Variants in BAIAP2 observed in about 807,000 individuals in gnomAD.
BAIAP2 encodes BAR/IMD domain containing adaptor protein 2.
A neutral mutation model predicts 63.0 loss-of-function variants in BAIAP2; 18 were observed. The ratio of observed to expected loss-of-function variants is 0.29; its 90% CI spans 0.20 to 0.42. The LOEUF is 0.42. BAIAP2 is among the 10% of genes least tolerant of loss of function. The probability of loss-of-function intolerance (pLI) is 1.00; values close to 1 mark genes in which losing one functional copy is unlikely to be tolerated. For missense variants in BAIAP2, 610 were observed against 734.3 expected, an observed-to-expected ratio of 0.83 and a Z score of 1.96; for synonymous variants, 386 against 307.6, an observed-to-expected ratio of 1.25 and a Z score of -2.67.
chr17:81,117,032 C>CCTGTA lies in BAIAP2; in HGVS notation c.*1194_*1198dup, dbSNP rs2060567947. The stretch of plus-strand genomic sequence containing the variant: ...CAGGGAGGAGGCTGTCCTGGAGAGG[C>CCTGTA]CTGTAGGTCCATTCTTCACCCGTCC... On this transcript the variant is annotated 3_prime_UTR_variant, in exon 14 of 14. Coordinates refer to ENST00000428708, the MANE Select transcript of BAIAP2 (RefSeq NM_001144888.2). The CCTGTA allele has an allele frequency of 1.3e-5, 2 of 152,340 alleles. No individual in the cohort carries two copies. Among genetic ancestry groups the CCTGTA allele is most frequent in the Non-Finnish European group, 2.9e-5 (2 of 68,132 alleles). 9.4% of individuals were successfully genotyped at this position (152,340 alleles called of 1,614,324 possible).
rs372882052 is a variant in BAIAP2 at position 81,101,385 on chromosome 17, C to T, written c.642+1305C>T. Among the ~76,000 whole-genome samples the T allele has an allele frequency of 1.5e-4, 23 of 152,316 alleles. No individual in the cohort carries two copies. In the East Asian group the frequency reaches 4.1e-3, roughly 27 times the overall value. On this transcript the variant is annotated intron_variant, in intron 7 of 13. Coordinates refer to ENST00000428708, the MANE Select transcript of BAIAP2 (RefSeq NM_001144888.2). ...CAAGGCCCAGAGGCCAGACTCCCCA[C>T]CGGGAACAGGCAGGGCCAGCAGGCC...
intron 3 of BAIAP2, among the ~76,000 whole-genome samples, chr17:81,058,180 C>G (rs1489432069): frequency 1.3e-5 from 2 of 152,184 alleles, no homozygotes; most frequent in East Asian, 1.9e-4. Flanking sequence ...GGCGTGCAGC[C>G]TGGGGTGAGG....
At chr17:81,095,332 A>G (rs780853944) in intron 6 of BAIAP2, among the ~76,000 whole-genome samples, 1 of 152,122 alleles carries the variant, frequency 6.6e-6, no homozygotes, top group Non-Finnish European at 1.5e-5. Context: ...CGTGCCCCGT[A>G]TAGGTCATCC....
intron 1 of BAIAP2, 123 bp from the exon 2 acceptor site, chr17:81,053,545 C>T: frequency 7.1e-6 from 7 of 981,454 alleles, no homozygotes; most frequent in South Asian, 2.8e-5. Context: ...CCACCTTGAG[C>T]ATTTGTGGTG....
In BAIAP2 at chr17:81,057,983, C is replaced by CCA; in HGVS notation, c.217+17_217+18insAC. On this transcript the variant is annotated intron_variant, in intron 3 of 13. Coordinates refer to ENST00000428708, the MANE Select transcript of BAIAP2 (RefSeq NM_001144888.2). ...AAAGAACTCGGTGAGACCCCCCCCC[C>CCA]CCCCCCGCCTGGTAGTCGCCTGATG... 1.6e-6 allele frequency: 2 copies of CCA among 1,212,408 alleles called. No homozygotes were observed. The highest frequency in any genetic ancestry group is 2.2e-6 in the Non-Finnish European group (2 of 922,472). 75.1% of individuals were successfully genotyped at this position (1,212,408 alleles called of 1,614,324 possible). A position where few individuals can be genotyped will look rare whatever the true frequency, so the allele number is the denominator to read the frequency against.
intron 1 of BAIAP2, among the ~76,000 whole-genome samples, chr17:81,049,478 C>T (rs2048332337): frequency 6.6e-6 from 1 of 152,172 alleles, no homozygotes; most frequent in African/African-American, 2.4e-5. Flanking sequence ...TTTTGCACCT[C>T]TTGGTGTTGA....
chr17:81,076,951 CAG>C (rs1042621929), intron 3 of BAIAP2, among the ~76,000 whole-genome samples: 8 of 152,134 alleles, frequency 5.3e-5, no homozygotes, highest in Non-Finnish European at 1.0e-4. Context: ...AGCCTGGTGA[CAG>C]AGTGAGACCC....
rs2060506415 is a variant in BAIAP2, at chr17:81,115,963, C to A, written c.*124C>A. 2 of 1,517,232 alleles carry A rather than the reference C, an allele frequency of 1.3e-6. No homozygotes were observed. Among genetic ancestry groups the A allele is most frequent in the Admixed American group, 4.0e-5 (2 of 49,972 alleles). The allele number at this position is 1,517,232 out of a possible 1,614,324, so 94.0% of individuals were successfully genotyped here. Reference sequence around the variant, plus strand: ...AGGCCCCGGCTGCCTGGTCTTGCCCCACTTGAGTCTGGCCTGGACTGGATC... The same window carrying A: ...AGGCCCCGGCTGCCTGGTCTTGCCCAACTTGAGTCTGGCCTGGACTGGATC... On this transcript the variant is annotated 3_prime_UTR_variant, in exon 14 of 14. Transcript: ENST00000428708.
At chr17:81,050,781 A>G (rs984615138) in intron 1 of BAIAP2, among the ~76,000 whole-genome samples, 21 of 151,872 alleles carry the variant, frequency 1.4e-4, no homozygotes, top group African/African-American at 4.8e-4. Flanking sequence ...GTATGCACAC[A>G]TGGGCACAGA....
Position 81,115,923 on chromosome 17 carries a change from G to A in BAIAP2, c.*84G>A, listed in dbSNP as rs1436332096. 4 of 1,581,382 alleles carry A rather than the reference G, an allele frequency of 2.5e-6. No individual in the cohort carries two copies. The highest frequency in any genetic ancestry group is 3.4e-6 in the Non-Finnish European group (4 of 1,163,348). Reference sequence around the variant, plus strand: ...GTTCTGTCATCATCTGTGCGTTCCTGTGTAGAGAACATCCAGGCCCCGGCT... The same window carrying A: ...GTTCTGTCATCATCTGTGCGTTCCTATGTAGAGAACATCCAGGCCCCGGCT... On this transcript the variant is annotated 3_prime_UTR_variant, in exon 14 of 14. Transcript: ENST00000428708.
intron 6 of BAIAP2, among the ~76,000 whole-genome samples, chr17:81,099,185 C>T (rs1011073799): frequency 6.6e-6 from 1 of 152,240 alleles, no homozygotes; most frequent in African/African-American, 2.4e-5. Context: ...TCTGGGCTCC[C>T]AGTCTCCGCT....
chr17:81,075,952 T>G (rs1006250347), intron 3 of BAIAP2, among the ~76,000 whole-genome samples: 1 of 151,518 alleles, frequency 6.6e-6, no homozygotes, highest in African/African-American at 2.4e-5. Flanking sequence ...TTTTTTTTTT[T>G]GTAGTGGTGA....
intron 6 of BAIAP2, chr17:81,098,321 A>G: frequency 4.9e-6 from 3 of 607,312 alleles, no homozygotes; most frequent in Non-Finnish European, 7.2e-6. Context: ...CTCTCCCCCA[A>G]ACTCCCCCTC....
intron 3 of BAIAP2, among the ~76,000 whole-genome samples, chr17:81,081,217 A>C (rs2054546934): frequency 6.6e-6 from 1 of 152,186 alleles, no homozygotes; most frequent in Non-Finnish European, 1.5e-5. Context: ...CTGAGCCCAG[A>C]GGTCGTGGTG....
intron 1 of BAIAP2, among the ~76,000 whole-genome samples, chr17:81,047,515 C>T (rs765776043): frequency 3.2e-4 from 48 of 152,250 alleles, no homozygotes; most frequent in Non-Finnish European, 5.7e-4. Flanking sequence ...GTCCAGCACA[C>T]GCATGAGTGC....
chr17:81,080,883 C>T (rs561570537), intron 3 of BAIAP2, among the ~76,000 whole-genome samples: 10 of 152,274 alleles, frequency 6.6e-5, no homozygotes, highest in East Asian at 5.8e-4. Flanking sequence ...TGGCAAGAGC[C>T]GTGAAGAGTT....
chr17:81,099,717 T>G (rs1328902192), intron 6 of BAIAP2, among the ~76,000 whole-genome samples: 1 of 151,994 alleles, frequency 6.6e-6, no homozygotes, highest in African/African-American at 2.4e-5. Flanking sequence ...TCTGGGGATG[T>G]GGCCATCGGG....
At chr17:81,093,692 C>T (rs1232109362) in intron 6 of BAIAP2, among the ~76,000 whole-genome samples, 1 of 152,150 alleles carries the variant, frequency 6.6e-6, no homozygotes, top group Non-Finnish European at 1.5e-5. Flanking sequence ...CGGCTGCCCC[C>T]CATCTCTGGG....
At chr17:81,067,479 C>T (rs930199096) in intron 3 of BAIAP2, among the ~76,000 whole-genome samples, 1 of 152,360 alleles carries the variant, frequency 6.6e-6, no homozygotes, top group South Asian at 2.1e-4. Flanking sequence ...AACAGCTTTG[C>T]GGTGCAGGCT....
Sources: allele counts gnomAD v4.1 joint callset (sites outside exome capture counted in the v4.1 genomes callset), GRCh38; gene constraint gnomAD v4.1.1; transcripts MANE v1.5; gene names NCBI Gene and HGNC (gene_info 2026-07-23, HGNC 2026-07-21).